Variants in POLA1 observed in about 807,000 individuals in gnomAD.
POLA1 encodes DNA polymerase alpha catalytic subunit.
Under a neutral mutation model 124.0 loss-of-function variants are expected in POLA1, and 15 were observed. The ratio of observed to expected loss-of-function variants is 0.12; its 90% CI spans 0.08 to 0.19. The LOEUF (loss-of-function observed/expected upper bound fraction) is 0.19, where lower values mean the gene tolerates loss of function less well. Among genes scored for constraint, POLA1 ranks in the 10% least tolerant of loss-of-function variants. POLA1 has a pLI of 1.00. For synonymous variants in POLA1, 408 were observed against 389.4 expected (o/e 1.05, Z -0.56); for missense variants, 886 against 1,103.4 (o/e 0.80, Z 2.79).
intron 36 of POLA1, among the ~76,000 whole-genome samples, chrX:24,954,945 A>G (rs111232235): frequency 2.7e-5 from 3 of 111,652 alleles, no homozygotes; most frequent in African/African-American, 6.5e-5. Context: ...AGAAGGCTAT[A>G]AAAGGACTTT....
At chrX:24,770,175 C>T (rs1176165170) in intron 26 of POLA1, among the ~76,000 whole-genome samples, 2 of 111,563 alleles carry the variant, frequency 1.8e-5, no homozygotes, top group Non-Finnish European at 3.8e-5. Context: ...TCAGTTCAGT[C>T]GTCTGGCCTA....
chrX:24,912,042 T>TAGACCAATGGAAGAGAATAGACTC (rs1323133477), intron 35 of POLA1, among the ~76,000 whole-genome samples: 47 of 112,459 alleles, frequency 4.2e-4, no homozygotes, highest in Non-Finnish European at 7.1e-4. Flanking sequence ...AATAGACACG[T>TAGACCAATGGAAGAGAATAGACTC]AGACCAATGG....
intron 34 of POLA1, among the ~76,000 whole-genome samples, chrX:24,856,438 T>C (rs1462470819): frequency 8.9e-6 from 1 of 112,093 alleles, no homozygotes; most frequent in Non-Finnish European, 1.9e-5. Context: ...AAATTATGAG[T>C]TCAGGTGCTA....
chrX:24,909,633 C>G (rs2047417842), intron 35 of POLA1, among the ~76,000 whole-genome samples: 1 of 111,438 alleles, frequency 9.0e-6, no homozygotes, highest in South Asian at 3.8e-4. Context: ...GTTTTGGTTA[C>G]TGTAGCCTTG....
chrX:24,743,878 A>G (rs1159518668), intron 23 of POLA1, among the ~76,000 whole-genome samples: 1 of 110,671 alleles, frequency 9.0e-6, no homozygotes, highest in Non-Finnish European at 1.9e-5. Flanking sequence ...AGCTAGAAAT[A>G]ATTTTTTTTT....
intron 32 of POLA1, among the ~76,000 whole-genome samples, chrX:24,838,131 G>A (rs1022027884): frequency 9.0e-6 from 1 of 111,575 alleles, no homozygotes; most frequent in African/African-American, 3.3e-5. Context: ...TAAGGCTATG[G>A]TGACTTAAGT....
At chrX:24,829,908 T>A (rs943764666) in intron 32 of POLA1, among the ~76,000 whole-genome samples, 1 of 112,494 alleles carries the variant, frequency 8.9e-6, no homozygotes, top group Non-Finnish European at 1.9e-5. Context: ...ACTGACACCG[T>A]TAAATAAGTT....
intron 26 of POLA1, among the ~76,000 whole-genome samples, chrX:24,778,683 T>C (rs1243763996): frequency 3.6e-5 from 4 of 112,280 alleles, no homozygotes; most frequent in African/African-American, 1.3e-4. Context: ...ATCCTAAGTA[T>C]TTTACATACA....
In POLA1 at chrX:24,704,390, T is replaced by C. The variant is rs1009436272; in HGVS notation, c.267T>C (p.Asp89=). The change falls in exon 4 of 37, where the codon GAT becomes GAC. Residue 89 remains aspartate, a splice_region_variant and synonymous_variant. Transcript: ENST00000379068. ...RQDDDWIVDD[D]GIGYVEDGRE... is the part of the protein sequence containing the mutation. ...CAGTATTAAATTTTGTCCCTGCAGA[T>C]GGTATTGGCTATGTGGAAGATGGCC... is the stretch of plus-strand genomic sequence containing the variant. The C allele has an allele frequency of 9.3e-6, 11 of 1,182,517 alleles. No individual in the cohort carries two copies. The highest frequency in any genetic ancestry group is 1.1e-5 in the Non-Finnish European group (10 of 870,619).
At position 24,996,115 on chromosome X, in the gene POLA1, T is replaced by A; in HGVS notation, c.*165T>A. On this transcript the variant is annotated 3_prime_UTR_variant, in exon 37 of 37. Coordinates refer to ENST00000379068, the MANE Select transcript of POLA1 (RefSeq NM_001330360.2). Reference sequence around the variant, plus strand: ...GAAAGGGGGCTGCAAAAATGTTGAGTCTAATGTTCGTAAGCATCATAGAAA... The same window carrying A: ...GAAAGGGGGCTGCAAAAATGTTGAGACTAATGTTCGTAAGCATCATAGAAA... 2.3e-6 allele frequency: 1 copy of A among 439,190 alleles called. No individual in the cohort carries two copies. The highest frequency in any genetic ancestry group is 3.9e-6 in the Non-Finnish European group (1 of 255,732). The allele number at this position is 439,190 out of a possible 1,213,427, so 36.2% of individuals were successfully genotyped here.
intron 32 of POLA1, among the ~76,000 whole-genome samples, chrX:24,829,681 G>A (rs760754440): frequency 8.9e-6 from 1 of 111,971 alleles, no homozygotes; most frequent in African/African-American, 3.2e-5. Flanking sequence ...AAATTAGGGT[G>A]GCTATTCAGT....
chrX:24,966,733 C>T (rs1273834609), intron 36 of POLA1, among the ~76,000 whole-genome samples: 2 of 111,591 alleles, frequency 1.8e-5, no homozygotes, highest in African/African-American at 6.5e-5. Context: ...AAGAGATTGG[C>T]AGCTTTAATT....
At chrX:24,917,901 C>A (rs1051544505) in intron 35 of POLA1, among the ~76,000 whole-genome samples, 3 of 111,579 alleles carry the variant, frequency 2.7e-5, no homozygotes, top group Admixed American at 9.5e-5. Flanking sequence ...TTTTGCCAAA[C>A]ACTTTATATG....
intron 10 of POLA1, among the ~76,000 whole-genome samples, chrX:24,722,290 T>A (rs1386043166): frequency 8.9e-6 from 1 of 112,162 alleles, no homozygotes; most frequent in Admixed American, 9.5e-5. Context: ...GACTAACAAA[T>A]GTTTGCAGTC....
intron 26 of POLA1, among the ~76,000 whole-genome samples, chrX:24,782,750 T>C (rs746755729): frequency 2.7e-5 from 3 of 111,757 alleles, no homozygotes; most frequent in South Asian, 7.7e-4. Context: ...TCTGTTTTTT[T>C]ATATGATTTA....
chrX:24,824,202 T>G (rs2046135909), intron 31 of POLA1, among the ~76,000 whole-genome samples: 1 of 112,080 alleles, frequency 8.9e-6, no homozygotes, highest in Admixed American at 9.5e-5. Flanking sequence ...GCGTTGCTTC[T>G]TAATCTGTTC....
chrX:24,904,101 G>GT (rs200732304), intron 35 of POLA1, among the ~76,000 whole-genome samples: 2,433 of 108,390 alleles, frequency 0.022, 25 homozygotes, highest in Middle Eastern at 0.042. Flanking sequence ...TGACTGGCTA[G>GT]TTTTTTTATT....
chrX:24,913,950 C>A (rs1381302419), intron 35 of POLA1, among the ~76,000 whole-genome samples: 1 of 110,493 alleles, frequency 9.1e-6, no homozygotes, highest in Non-Finnish European at 1.9e-5. Context: ...ATCACTTGAA[C>A]CCAGGAGGCG....
chrX:24,933,368 G>A (rs2047808921), intron 36 of POLA1, among the ~76,000 whole-genome samples: 1 of 111,820 alleles, frequency 8.9e-6, no homozygotes, highest in Non-Finnish European at 1.9e-5. Flanking sequence ...GCTATTCAAG[G>A]GAGACCTGCT....
Sources: allele counts gnomAD v4.1 joint callset (sites outside exome capture counted in the v4.1 genomes callset), GRCh38; gene constraint gnomAD v4.1.1; transcripts MANE v1.5; gene names NCBI Gene and HGNC (gene_info 2026-07-23, HGNC 2026-07-21).